The following NUMB variants were observed in gnomAD, a reference collection of about 807,000 sequenced individuals.
NUMB encodes protein numb homolog.
NUMB carries 29 observed loss-of-function variants against 59.7 expected under a neutral mutation model. The observed-to-expected ratio is 0.49, with a 90% CI of 0.36 to 0.66. The LOEUF (loss-of-function observed/expected upper bound fraction) is 0.66, where lower values mean the gene tolerates loss of function less well. NUMB is among the 30% of genes least tolerant of loss of function. The pLI is 0.00. For synonymous variants in NUMB, 288 were observed against 288.2 expected (o/e 1.00, Z 0.01); for missense variants, 723 against 822.0 (o/e 0.88, Z 1.47).
chr14:73,443,595 CAAAA>C (rs553400027), intron 1 of NUMB, among the ~76,000 whole-genome samples: 2 of 76,780 alleles, frequency 2.6e-5, no homozygotes. Flanking sequence ...AACTCCATCT[CAAAA>C]AAAAAAAAAA....
intron 1 of NUMB, among the ~76,000 whole-genome samples, chr14:73,441,897 TAAA>T (rs1287956174): frequency 6.6e-6 from 1 of 151,380 alleles, no homozygotes; most frequent in Admixed American, 6.6e-5. Context: ...AAAAATAAAA[TAAA>T]AGAGGTAATA....
At chr14:73,348,436 C>T (rs1029310244) in intron 4 of NUMB, among the ~76,000 whole-genome samples, 2 of 152,228 alleles carry the variant, frequency 1.3e-5, no homozygotes, top group Non-Finnish European at 2.9e-5. Flanking sequence ...CAATACTGGT[C>T]GGTGGCCTTT....
At chr14:73,374,956 G>C (rs1268876902) in intron 2 of NUMB, among the ~76,000 whole-genome samples, 2 of 151,834 alleles carry the variant, frequency 1.3e-5, no homozygotes, top group Non-Finnish European at 2.9e-5. Flanking sequence ...CCTGACCTCA[G>C]CTGATCTGCC....
At position 73,451,175 on chromosome 14, in the gene NUMB, C is replaced by CAA. The variant is rs1209954055; in HGVS notation, c.-233+7316_-233+7317dup. Among the ~76,000 whole-genome samples, 51 of 104,152 alleles carry CAA rather than the reference C, an allele frequency of 4.9e-4. 1 individual carries two copies. The highest frequency in any genetic ancestry group is 2.0e-4 in the Admixed American group (2 of 9,802). 68.3% of individuals were successfully genotyped at this position (104,152 alleles called of 152,430 possible). On this transcript the variant is annotated intron_variant, in intron 1 of 12. Coordinates refer to ENST00000555238, the MANE Select transcript of NUMB (RefSeq NM_001005743.2). Reference sequence around the variant, plus strand: ...TCTCAAAAAAAAAAAAAAAAAAAAACAAAAAACAAATCTACACTTCGGGAG... The same window carrying CAA: ...TCTCAAAAAAAAAAAAAAAAAAAAACAAAAAAAACAAATCTACACTTCGGGAG...
intron 3 of NUMB, among the ~76,000 whole-genome samples, chr14:73,361,985 G>A (rs892334779): frequency 3.9e-5 from 6 of 152,050 alleles, no homozygotes; most frequent in Admixed American, 1.3e-4. Flanking sequence ...GGCCAGGTGC[G>A]CTGGCTCACA....
At chr14:73,446,803 CT>C (rs1883545024) in intron 1 of NUMB, among the ~76,000 whole-genome samples, 1 of 151,886 alleles carries the variant, frequency 6.6e-6, no homozygotes, top group African/African-American at 2.4e-5. Flanking sequence ...CTTTGGGAGG[CT>C]GAGGCAGAAG....
chr14:73,356,987 C>T, intron 3 of NUMB: 3 of 909,108 alleles, frequency 3.3e-6, no homozygotes, highest in Non-Finnish European at 3.9e-6. Context: ...CGTGAGCCAC[C>T]ATACCTGGCC....
At chr14:73,350,054 TAC>T (rs1018171144) in intron 4 of NUMB, among the ~76,000 whole-genome samples, 2 of 122,642 alleles carry the variant, frequency 1.6e-5, no homozygotes, top group Admixed American at 1.6e-4. Flanking sequence ...CATACATACA[TAC>T]ATATATACAT....
intron 2 of NUMB, among the ~76,000 whole-genome samples, chr14:73,392,502 G>T (rs1895902443): frequency 6.6e-6 from 1 of 152,268 alleles, no homozygotes; most frequent in East Asian, 1.9e-4. Flanking sequence ...ACCACACTTG[G>T]AACTGTGACT....
At chr14:73,294,486 C>A (rs1889623813) in intron 7 of NUMB, among the ~76,000 whole-genome samples, 2 of 151,980 alleles carry the variant, frequency 1.3e-5, no homozygotes, top group Non-Finnish European at 2.9e-5. Flanking sequence ...TGGGACTACT[C>A]CTTTTTGGCT....
rs1895664488 is a variant in NUMB, at chr14:73,388,386, G to A, written c.-100-21405C>T. Among the ~76,000 whole-genome samples the A allele has an allele frequency of 2.6e-5, 4 of 152,180 alleles. No individual in the cohort carries two copies. In the South Asian group the frequency reaches 8.3e-4, roughly 32 times the overall value. On this transcript the variant is annotated intron_variant, in intron 2 of 12. Transcript: ENST00000555238. ...TTTCCTTGTAAGATATAACTTCCTT[G>A]TGGGGAAATATTTTTTAATTTAAAA...
At chr14:73,445,934 G>A (rs572110574) in intron 1 of NUMB, among the ~76,000 whole-genome samples, 1 of 151,520 alleles carries the variant, frequency 6.6e-6, no homozygotes, top group South Asian at 2.1e-4. Context: ...AAAGATAAAA[G>A]TCCTGACTGC....
chr14:73,456,032 A>G (rs1226817224), intron 1 of NUMB, among the ~76,000 whole-genome samples: 1 of 152,192 alleles, frequency 6.6e-6, no homozygotes, highest in African/African-American at 2.4e-5. Context: ...GCATAACACA[A>G]TATGTGACAA....
At chr14:73,435,054 A>G (rs1897992916) in intron 1 of NUMB, among the ~76,000 whole-genome samples, 1 of 152,172 alleles carries the variant, frequency 6.6e-6, no homozygotes, top group Non-Finnish European at 1.5e-5. Flanking sequence ...TATTCACCAA[A>G]AAAAAGTAAG....
intron 1 of NUMB, among the ~76,000 whole-genome samples, chr14:73,418,548 G>A (rs1282156427): frequency 6.6e-6 from 1 of 152,056 alleles, no homozygotes; most frequent in African/African-American, 2.4e-5. Flanking sequence ...CAGGCAGGTA[G>A]ATCATCTGAG....
At position 73,389,925 on chromosome 14, in the gene NUMB, T is replaced by C. The variant is rs80237944; in HGVS notation, c.-101+20012A>G. The stretch of plus-strand genomic sequence containing the variant: ...TACCAAAAGACCACCAAAAGTTTAA[T>C]CTACATTTTATATACTTATTACAAA... On this transcript the variant is annotated intron_variant, in intron 2 of 12. Transcript: ENST00000555238. 4.1e-4 allele frequency among the ~76,000 whole-genome samples: 63 copies of C among 152,224 alleles called. No homozygotes were observed. In the East Asian group the frequency reaches 0.011, roughly 28 times the overall value.
At chr14:73,441,429 T>G (rs910778926) in intron 1 of NUMB, among the ~76,000 whole-genome samples, 3 of 151,864 alleles carry the variant, frequency 2.0e-5, no homozygotes, top group African/African-American at 4.8e-5. Context: ...ACGCCTCAGC[T>G]GAGAGGCTGA....
intron 10 of NUMB, 76 bp from the exon 11 acceptor site, chr14:73,282,581 G>T: frequency 6.8e-7 from 1 of 1,478,286 alleles, no homozygotes; most frequent in Non-Finnish European, 9.2e-7. Context: ...ATGCAAGCTG[G>T]CACTTTATAC....
chr14:73,301,331 T>C (rs562528915), intron 6 of NUMB, among the ~76,000 whole-genome samples: 16 of 152,330 alleles, frequency 1.1e-4, no homozygotes, highest in African/African-American at 3.4e-4. Flanking sequence ...TACTTCAAGG[T>C]TGGAAGACTG....
Sources: gnomAD v4.1 joint callset for allele counts (sites outside exome capture counted in the v4.1 genomes callset) on GRCh38, gnomAD v4.1.1 for gene constraint, MANE v1.5 for transcripts, NCBI Gene and HGNC (gene_info 2026-07-23, HGNC 2026-07-21) for gene names.